SPAG16: variants seen among roughly 807,000 people sequenced by gnomAD.
SPAG16 encodes the protein sperm associated antigen 16.
In SPAG16, 86 loss-of-function variants were observed where a neutral mutation model predicts 80.4. The ratio of observed to expected loss-of-function variants is 1.07; its 90% confidence interval spans 0.90 to 1.28. The LOEUF is 1.28. Ranked by LOEUF, SPAG16 falls within the 50% of genes most tolerant of loss-of-function variation. SPAG16 has a pLI of 0.00. For synonymous variants in SPAG16, 294 were observed against 265.9 expected (o/e 1.11, Z -1.03); for missense variants, 870 against 765.3 (o/e 1.14, Z -1.61).
Position 213,447,760 on chromosome 2 carries a change from A to C in SPAG16, c.943-42203A>C, listed in dbSNP as rs111397700. Among the ~76,000 whole-genome samples, 1,360 of 152,356 alleles carry C rather than the reference A, an allele frequency of 8.9e-3. 22 individuals carry two copies. The highest frequency in any genetic ancestry group is 0.031 in the African/African-American group (1,270 of 41,582). ...AATAGCAAACTTTGGACGAATAATC[A>C]AACTGTCCAATGCATTAATTGCCAT... On this transcript the variant is annotated intron_variant, in intron 9 of 15. Coordinates refer to ENST00000331683, the MANE Select transcript of SPAG16 (RefSeq NM_024532.5).
At chr2:213,500,628 C>A (rs914317028) in intron 10 of SPAG16, among the ~76,000 whole-genome samples, 2 of 152,174 alleles carry the variant, frequency 1.3e-5, no homozygotes, top group South Asian at 4.1e-4. Context: ...TACACTAGTA[C>A]AACCTAGAGA....
At chr2:214,123,107 A>G (rs1448393489) in intron 14 of SPAG16, among the ~76,000 whole-genome samples, 2 of 151,948 alleles carry the variant, frequency 1.3e-5, no homozygotes, top group Non-Finnish European at 2.9e-5. Context: ...AAGCATTTGT[A>G]TAAGCAGCCA....
chr2:213,689,079 C>A (rs924885508), intron 10 of SPAG16, among the ~76,000 whole-genome samples: 4 of 152,182 alleles, frequency 2.6e-5, no homozygotes, highest in African/African-American at 9.7e-5. Context: ...CCTGCCTCAG[C>A]CTCCTGAGCA....
At chr2:214,059,042 T>C (rs927778318) in intron 13 of SPAG16, among the ~76,000 whole-genome samples, 1 of 151,712 alleles carries the variant, frequency 6.6e-6, no homozygotes, top group Non-Finnish European at 1.5e-5. Context: ...GTCAGTACAA[T>C]GGTTTTACCT....
chr2:214,324,462 T>C (rs944403708), intron 15 of SPAG16, among the ~76,000 whole-genome samples: 2 of 152,186 alleles, frequency 1.3e-5, no homozygotes, highest in Non-Finnish European at 2.9e-5. Context: ...AGATTTCCTC[T>C]CTAAGAATAT....
intron 10 of SPAG16, among the ~76,000 whole-genome samples, chr2:213,496,286 A>G (rs1236685345): frequency 6.6e-6 from 1 of 152,164 alleles, no homozygotes; most frequent in Non-Finnish European, 1.5e-5. Flanking sequence ...GGAGTGAAAG[A>G]AAGAATTTAA....
intron 12 of SPAG16, among the ~76,000 whole-genome samples, chr2:213,985,088 A>C (rs1420734968): frequency 6.6e-6 from 1 of 152,090 alleles, no homozygotes; most frequent in Non-Finnish European, 1.5e-5. Flanking sequence ...CTAGGAGAGG[A>C]GTAGTTTGTC....
intron 10 of SPAG16, among the ~76,000 whole-genome samples, chr2:213,852,382 G>T (rs913258784): frequency 1.3e-5 from 2 of 152,118 alleles, no homozygotes; most frequent in African/African-American, 2.4e-5. Flanking sequence ...ACTTAAAACC[G>T]TGAAATGATC....
intron 15 of SPAG16, among the ~76,000 whole-genome samples, chr2:214,194,813 C>T (rs1576467352): frequency 6.6e-6 from 1 of 152,020 alleles, no homozygotes; most frequent in Non-Finnish European, 1.5e-5. Flanking sequence ...TTTCTGAAAC[C>T]ATTTGGTAAA....
rs57118142 is a variant in SPAG16, at chr2:213,672,174, A to AT, written c.1070+182096dup. Among the ~76,000 whole-genome samples, 368 of 147,124 alleles carry AT rather than the reference A, an allele frequency of 2.5e-3. 3 individuals carry two copies. The highest frequency in any genetic ancestry group is 0.016 in the East Asian group (82 of 5,018). On this transcript the variant is annotated intron_variant, in intron 10 of 15. Coordinates refer to ENST00000331683, the MANE Select transcript of SPAG16 (RefSeq NM_024532.5). ...TTCCTGAATCTACTGAATTTCTTTGATTTTTTTTTTTTCATTTCCTTTTCT... is the reference window on the plus strand; with the variant it reads ...TTCCTGAATCTACTGAATTTCTTTGATTTTTTTTTTTTTCATTTCCTTTTCT...
chr2:214,093,288 T>C (rs1409397402), intron 13 of SPAG16, among the ~76,000 whole-genome samples: 1 of 152,058 alleles, frequency 6.6e-6, no homozygotes, highest in Non-Finnish European at 1.5e-5. Flanking sequence ...ATAAATTAAG[T>C]TGGGTTATTT....
intron 13 of SPAG16, among the ~76,000 whole-genome samples, chr2:214,029,231 A>G (rs1215672916): frequency 2.0e-5 from 3 of 152,074 alleles, no homozygotes; most frequent in Non-Finnish European, 4.4e-5. Flanking sequence ...ACTCAGGAGT[A>G]GTAATGTGCC....
At chr2:213,784,534 A>G (rs1035038227) in intron 10 of SPAG16, among the ~76,000 whole-genome samples, 86 of 151,702 alleles carry the variant, frequency 5.7e-4, no homozygotes, top group African/African-American at 2.0e-3. Flanking sequence ...CAGTAAAACA[A>G]TACAATTTTA....
Position 214,019,412 on chromosome 2 carries a change from A to G in SPAG16, c.1527+5335A>G, listed in dbSNP as rs188419858. 1.2e-3 allele frequency among the ~76,000 whole-genome samples: 184 copies of G among 152,274 alleles called. 1 individual carries two copies. The highest frequency in any genetic ancestry group is 4.3e-3 in the African/African-American group (179 of 41,568). Reference sequence around the variant, plus strand: ...AGTTGCTGACATTTTGTCTCTTGCCATGAGTCAGACACAGAGGGTTCATGA... The same window carrying G: ...AGTTGCTGACATTTTGTCTCTTGCCGTGAGTCAGACACAGAGGGTTCATGA... On this transcript the variant is annotated intron_variant, in intron 13 of 15. Coordinates refer to ENST00000331683, the MANE Select transcript of SPAG16 (RefSeq NM_024532.5).
At chr2:213,295,967 A>G in intron 1 of SPAG16, 97 bp from the exon 2 acceptor site, 1 of 972,100 alleles carries the variant, frequency 1.0e-6, no homozygotes, top group Non-Finnish European at 1.6e-6. Flanking sequence ...TCCTGGTGAG[A>G]TAGTTGAATC....
intron 15 of SPAG16, among the ~76,000 whole-genome samples, chr2:214,197,618 G>T (rs2057880565): frequency 6.6e-6 from 1 of 151,756 alleles, no homozygotes; most frequent in Non-Finnish European, 1.5e-5. Context: ...AATATTATTG[G>T]CATTATTAAT....
chr2:213,473,025 C>T (rs1054568121), intron 9 of SPAG16, among the ~76,000 whole-genome samples: 3 of 152,154 alleles, frequency 2.0e-5, no homozygotes, highest in African/African-American at 7.2e-5. Context: ...TGTAAACTGG[C>T]TCAAGTCTGG....
intron 11 of SPAG16, among the ~76,000 whole-genome samples, chr2:213,914,622 T>A (rs191650796): frequency 3.7e-4 from 56 of 152,340 alleles, no homozygotes; most frequent in Admixed American, 1.8e-3. Context: ...AGAGTTTTGA[T>A]GTGTTGCCAT....
intron 9 of SPAG16, among the ~76,000 whole-genome samples, chr2:213,452,276 A>C (rs753126065): frequency 6.6e-6 from 1 of 152,114 alleles, no homozygotes; most frequent in Non-Finnish European, 1.5e-5. Context: ...TACCCTAACT[A>C]CCTAAATGAT....
Sources: gnomAD v4.1 joint callset for allele counts (sites outside exome capture counted in the v4.1 genomes callset) on GRCh38, gnomAD v4.1.1 for gene constraint, MANE v1.5 for transcripts, NCBI Gene and HGNC (gene_info 2026-07-23, HGNC 2026-07-21) for gene names.